NCOR2: variants seen among roughly 807,000 people sequenced by gnomAD.
NCOR2 encodes the protein CTG repeat protein 26.
A neutral mutation model predicts 262.9 loss-of-function variants in NCOR2; 81 were observed. That is an observed-to-expected ratio of 0.31 (90% CI 0.26 to 0.37). NCOR2 has a LOEUF of 0.37. Among genes scored for constraint, NCOR2 ranks in the 10% least tolerant of loss-of-function variants. The pLI is 1.00. For missense variants in NCOR2, 3,385 were observed against 3,621.4 expected (o/e 0.93, Z 1.68); for synonymous variants, 1,659 against 1,559.3 (o/e 1.06, Z -1.51).
chr12:124,528,390 T>C (rs1042948031), intron 1 of NCOR2, among the ~76,000 whole-genome samples: 2 of 152,164 alleles, frequency 1.3e-5, no homozygotes, highest in Non-Finnish European at 2.9e-5. Context: ...CGAAAAGTCA[T>C]CTTAGCTGAC....
rs879336408 is a variant in NCOR2 at position 124,433,879 on chromosome 12, C to CAAAA, written c.883-3093_883-3092insTTTT. Among the ~76,000 whole-genome samples the CAAAA allele has an allele frequency of 8.7e-4, 90 of 103,338 alleles. 2 individuals are homozygous for CAAAA. The highest frequency in any genetic ancestry group is 3.6e-3 in the African/African-American group (83 of 23,312). 67.8% of individuals were successfully genotyped at this position (103,338 alleles called of 152,430 possible). On this transcript the variant is annotated intron_variant, in intron 8 of 46. Transcript: ENST00000405201. ...ACACACACACACACACACACACACA[C>CAAAA]ACACACACACACACACACACGCACA...
At position 124,377,994 on chromosome 12, in the gene NCOR2, C is replaced by T. The variant is rs148373335; in HGVS notation, c.2167+243G>A. 8.1e-3 allele frequency among the ~76,000 whole-genome samples: 1,235 copies of T among 152,176 alleles called. 19 individuals are homozygous for T. Among genetic ancestry groups the T allele is most frequent in the African/African-American group, 0.028 (1,162 of 41,506 alleles). On this transcript the variant is annotated intron_variant, in intron 18 of 46. Transcript: ENST00000405201. Reference sequence around the variant, plus strand: ...ACTCATGGGCATCAGAAGAGCTGAGCGAGGCTTGGGGCTCCCAGAGAAGCT... The same window carrying T: ...ACTCATGGGCATCAGAAGAGCTGAGTGAGGCTTGGGGCTCCCAGAGAAGCT...
chr12:124,499,561 C>T (rs2048575564), upstream of NCOR2, among the ~76,000 whole-genome samples: 1 of 152,222 alleles, frequency 6.6e-6, no homozygotes, highest in Admixed American at 6.5e-5. Flanking sequence ...GAGGTGAGCG[C>T]CAGCTGGTGG....
At chr12:124,428,086 T>TGC (rs1555221814) in intron 10 of NCOR2, among the ~76,000 whole-genome samples, 1 of 147,054 alleles carries the variant, frequency 6.8e-6, no homozygotes, top group Non-Finnish European at 1.5e-5. Context: ...TGTGTGTGTG[T>TGC]GTACATGCAA....
rs906874783 is a variant in NCOR2, at chr12:124,457,188, A to G, written c.706-26T>C. On this transcript the variant is annotated intron_variant, in intron 5 of 46. Coordinates refer to ENST00000405201, the Ensembl canonical transcript of NCOR2. The surrounding 1 kb of genome is among the most constrained non-coding windows in gnomAD (Gnocchi z 4.0). ...CTGCAGGGTGATGGCGAAGAGGAGGAATTTTTTTAAAAAACAAAAAAACAC... is the reference window on the plus strand; with the variant it reads ...CTGCAGGGTGATGGCGAAGAGGAGGGATTTTTTTAAAAAACAAAAAAACAC... The G allele has an allele frequency of 6.5e-7, 1 of 1,536,858 alleles. No individual in the cohort carries two copies.
intron 1 of NCOR2, among the ~76,000 whole-genome samples, chr12:124,510,178 G>A (rs2049312618): frequency 6.6e-6 from 1 of 152,174 alleles, no homozygotes; most frequent in Non-Finnish European, 1.5e-5. Context: ...TCAATCTGGA[G>A]CAGGTGGCGA....
At chr12:124,520,505 C>G (rs572884691) in intron 1 of NCOR2, among the ~76,000 whole-genome samples, 3 of 152,182 alleles carry the variant, frequency 2.0e-5, no homozygotes, top group Non-Finnish European at 4.4e-5. Flanking sequence ...CCTCCCACCC[C>G]CTCAGAGCGA....
At chr12:124,359,044 C>T (rs756144358) in intron 22 of NCOR2, among the ~76,000 whole-genome samples, 6 of 152,252 alleles carry the variant, frequency 3.9e-5, no homozygotes, top group Non-Finnish European at 8.8e-5. Flanking sequence ...GGCAGAGAAG[C>T]AATGATGGGT....
chr12:124,372,068 A>G (rs757309743), exon 20 of NCOR2: 5 of 1,605,016 alleles, frequency 3.1e-6, no homozygotes, highest in Non-Finnish European at 4.2e-6. Flanking sequence ...TCTGCACTGC[A>G]GGTAGCACTG....
chr12:124,501,060 GCGCACACACACACACACACACA>G (rs2048698895), intron 1 of NCOR2, among the ~76,000 whole-genome samples: 1 of 48,762 alleles, frequency 2.1e-5, no homozygotes, highest in African/African-American at 5.9e-5. Flanking sequence ...GCGCGCACGC[GCGCACACACACACACACACACA>G]CACACACACA....
intron 41 of NCOR2, among the ~76,000 whole-genome samples, chr12:124,333,613 C>CA (rs998770333): frequency 1.3e-5 from 2 of 151,932 alleles, no homozygotes; most frequent in African/African-American, 2.4e-5. Context: ...CACTGCCCCC[C>CA]AAAGATGTCC....
chr12:124,441,815 A>G (rs1057411989), intron 7 of NCOR2, among the ~76,000 whole-genome samples: 1 of 152,210 alleles, frequency 6.6e-6, no homozygotes. Context: ...GCCCCCTATC[A>G]TGTGGGCATC....
At chr12:124,344,874 G>A (rs1403874732) in exon 32 of NCOR2, 1 of 1,579,476 alleles carries the variant, frequency 6.3e-7, no homozygotes, top group Admixed American at 1.8e-5. Flanking sequence ...TCCGGCCGGG[G>A]CTGCCGATGA....
At chr12:124,530,529 A>G (rs60310139) in intron 1 of NCOR2, among the ~76,000 whole-genome samples, 15,885 of 152,202 alleles carry the variant, frequency 0.1, 2,295 homozygotes, top group African/African-American at 0.33. Flanking sequence ...CATTCCCAGT[A>G]CCCAGGGACT....
chr12:124,490,400 T>C (rs1157016803), intron 1 of NCOR2, among the ~76,000 whole-genome samples: 3 of 142,746 alleles, frequency 2.1e-5, no homozygotes, highest in Non-Finnish European at 3.0e-5. Flanking sequence ...GCCTGATAAG[T>C]ATTTGCCAGA....
In NCOR2 at chr12:124,346,553, C is replaced by T; in HGVS notation, c.4359+11G>A. ...TAGAACTGGGCCCGTGTGCCTGGCC[C>T]TGGGCCATACCTGCGTGATGGAGCC... On this transcript the variant is annotated intron_variant, in intron 31 of 46. Transcript: ENST00000405201. The T allele has an allele frequency of 2.0e-6, 3 of 1,524,578 alleles. No homozygotes were observed. The South Asian group carries it at 3.8e-5, about 19-fold the overall frequency. The allele number at this position is 1,524,578 out of a possible 1,614,324, so 94.4% of individuals were successfully genotyped here.
intron 43 of NCOR2, chr12:124,332,036 C>T (rs1248139580): frequency 4.8e-6 from 2 of 420,384 alleles, no homozygotes; most frequent in African/African-American, 4.0e-5. Context: ...AGGGATCCAA[C>T]CCCTGGTCCC....
intron 1 of NCOR2, among the ~76,000 whole-genome samples, chr12:124,554,702 T>C (rs1009253411): frequency 6.6e-6 from 1 of 152,258 alleles, no homozygotes. Flanking sequence ...ACCTTCCACG[T>C]TCCCACTGAG....
intron 1 of NCOR2, among the ~76,000 whole-genome samples, chr12:124,527,362 G>C (rs2050532291): frequency 6.6e-6 from 1 of 152,220 alleles, no homozygotes; most frequent in Non-Finnish European, 1.5e-5. Context: ...CATATGTAAA[G>C]AGGGGATGAT....
Sources: allele counts gnomAD v4.1 joint callset (sites outside exome capture counted in the v4.1 genomes callset), GRCh38; gene constraint gnomAD v4.1.1; non-coding constraint Gnocchi (gnomAD v3.1); transcripts MANE v1.5; gene names NCBI Gene and HGNC (gene_info 2026-07-23, HGNC 2026-07-21).